The following STK31 variants were observed in gnomAD, a reference collection of about 807,000 sequenced individuals.
The protein encoded by STK31 is serine/threonine kinase 31, also known as serine/threonine-protein kinase 31.
In STK31, 89 loss-of-function variants were observed where a neutral mutation model predicts 129.7. The observed-to-expected ratio is 0.69, with a 90% CI of 0.58 to 0.82. The LOEUF is 0.82. Ranked by LOEUF, STK31 falls within the 40% of genes least tolerant of loss-of-function variation. STK31 has a pLI of 0.00. For synonymous variants in STK31, 448 were observed against 395.3 expected, an observed-to-expected ratio of 1.13 and a Z score of -1.58; for missense variants, 1,187 against 1,176.4, an observed-to-expected ratio of 1.01 and a Z score of -0.13.
intron 11 of STK31, among the ~76,000 whole-genome samples, chr7:23,767,065 G>T (rs1194717201): frequency 1.1e-4 from 17 of 151,968 alleles, no homozygotes; most frequent in Admixed American, 1.1e-3. Context: ...AATATCTTCA[G>T]TTGGTTATTT....
chr7:23,826,187 T>A (rs57182487), intron 23 of STK31, among the ~76,000 whole-genome samples: 6,734 of 152,254 alleles, frequency 0.044, 510 homozygotes, highest in African/African-American at 0.15. Context: ...TGCCTAATGT[T>A]GACAGTGGGG....
rs568110929 is a variant in STK31 at position 23,734,879 on chromosome 7, C to T, written c.484-659C>T. Among the ~76,000 whole-genome samples, 366 of 152,190 alleles carry T rather than the reference C, an allele frequency of 2.4e-3. 2 individuals are homozygous for T. Among genetic ancestry groups the T allele is most frequent in the African/African-American group, 8.4e-3 (348 of 41,524 alleles). ...ACTGGGGAGGCTGAGGCAGGAGAAT[C>T]GCTTGAACCGGGGAGGCAGAGGTTG... On this transcript the variant is annotated intron_variant, in intron 6 of 23. Coordinates refer to ENST00000355870, the MANE Select transcript of STK31 (RefSeq NM_031414.5).
chr7:23,787,772 A>G (rs1037925912), intron 20 of STK31, among the ~76,000 whole-genome samples: 1 of 150,904 alleles, frequency 6.6e-6, no homozygotes, highest in African/African-American at 2.5e-5. Flanking sequence ...ACACACACAC[A>G]CACACACACA....
intron 23 of STK31, among the ~76,000 whole-genome samples, chr7:23,822,100 T>C (rs1403262362): frequency 2.0e-5 from 3 of 152,194 alleles, no homozygotes; most frequent in Non-Finnish European, 4.4e-5. Context: ...TTTTTGCTGA[T>C]AACTGTTTTG....
chr7:23,824,862 G>T (rs555857589), intron 23 of STK31, among the ~76,000 whole-genome samples: 1 of 151,522 alleles, frequency 6.6e-6, no homozygotes, highest in East Asian at 1.9e-4. Flanking sequence ...TAATCATGTG[G>T]TTTTTGTCTT....
intron 22 of STK31, among the ~76,000 whole-genome samples, chr7:23,805,153 G>A (rs1792623913): frequency 6.6e-6 from 1 of 151,274 alleles, no homozygotes; most frequent in African/African-American, 2.4e-5. Flanking sequence ...TCGGCTCACT[G>A]CAACCTCTGC....
intron 4 of STK31, among the ~76,000 whole-genome samples, chr7:23,720,432 C>G (rs113381468): frequency 6.6e-6 from 1 of 152,164 alleles, no homozygotes; most frequent in African/African-American, 2.4e-5. Context: ...GGCCATCACT[C>G]ATGCTCTTTC....
At chr7:23,806,235 G>T (rs928612172) in intron 22 of STK31, among the ~76,000 whole-genome samples, 1 of 152,102 alleles carries the variant, frequency 6.6e-6, no homozygotes, top group Admixed American at 6.5e-5. Flanking sequence ...CCTATGTGCT[G>T]TTTTTTTAAG....
chr7:23,795,717 T>G (rs751190394), intron 22 of STK31, among the ~76,000 whole-genome samples: 3 of 152,236 alleles, frequency 2.0e-5, no homozygotes, highest in Non-Finnish European at 4.4e-5. Context: ...GAGCCCACTC[T>G]TGCATCAGTG....
intron 23 of STK31, among the ~76,000 whole-genome samples, chr7:23,818,651 A>T (rs79321386): frequency 6.7e-6 from 1 of 148,634 alleles, no homozygotes; most frequent in African/African-American, 2.6e-5. Context: ...CAACAAAAAA[A>T]TAAAGTCCGA....
At chr7:23,777,539 C>G (rs1003159557) in intron 15 of STK31, among the ~76,000 whole-genome samples, 2 of 152,200 alleles carry the variant, frequency 1.3e-5, no homozygotes, top group African/African-American at 2.4e-5. Flanking sequence ...ATATTTAAGA[C>G]AGTTAACTCT....
chr7:23,783,465 T>C (rs1283516241), intron 16 of STK31, 118 bp from the exon 17 acceptor site: 2 of 621,478 alleles, frequency 3.2e-6, no homozygotes, highest in Non-Finnish European at 5.2e-6. Flanking sequence ...AAATCAGTGA[T>C]TATGTATCTT....
chr7:23,719,125 G>T (rs1786526983), intron 4 of STK31, among the ~76,000 whole-genome samples: 1 of 151,752 alleles, frequency 6.6e-6, no homozygotes, highest in South Asian at 2.1e-4. Context: ...TGTCTTGATT[G>T]ATTTGTAGGC....
In STK31 at chr7:23,781,478, CAAT is replaced by C. The variant is rs1790921474; in HGVS notation, c.2029_2031del (p.Asn677del). On this transcript the variant is annotated inframe_deletion, in exon 16 of 24. Transcript: ENST00000355870. ...TAAAAGAAGAAATAACTCAGCTGCG[CAAT>C]AATGTCTTTCAGGAAATTTATCATG... 1 of 1,611,202 alleles carries C rather than the reference CAAT, an allele frequency of 6.2e-7. No individual in the cohort carries two copies. Among genetic ancestry groups the C allele is most frequent in the Admixed American group, 1.7e-5 (1 of 59,498 alleles).
chr7:23,711,453 A>G (rs1034803711), intron 1 of STK31, among the ~76,000 whole-genome samples: 1 of 151,676 alleles, frequency 6.6e-6, no homozygotes, highest in African/African-American at 2.4e-5. Flanking sequence ...CCCATAAAAA[A>G]TCTGTGTTTT....
chr7:23,809,286 T>G (rs754428976), intron 22 of STK31, among the ~76,000 whole-genome samples: 42 of 152,114 alleles, frequency 2.8e-4, no homozygotes, highest in Non-Finnish European at 3.1e-4. Flanking sequence ...CTTGGTGCTT[T>G]CTTTTGGTTC....
At chr7:23,781,752 AC>A (rs1174702639) in intron 16 of STK31, among the ~76,000 whole-genome samples, 4 of 152,340 alleles carry the variant, frequency 2.6e-5, no homozygotes, top group Admixed American at 2.6e-4. Flanking sequence ...AGAAGGAAAA[AC>A]ATCACTTGTA....
At chr7:23,791,751 C>A (rs1206532470) in intron 22 of STK31, among the ~76,000 whole-genome samples, 2 of 152,158 alleles carry the variant, frequency 1.3e-5, no homozygotes, top group African/African-American at 4.8e-5. Context: ...TAAAAATAAT[C>A]TCCTTGTTAG....
intron 12 of STK31, 85 bp from the exon 13 acceptor site, chr7:23,769,555 T>G: frequency 3.2e-6 from 3 of 945,374 alleles, no homozygotes; most frequent in Non-Finnish European, 5.0e-6. Flanking sequence ...AGGGTATAGC[T>G]TAATACTCTG....
Sources: allele counts gnomAD v4.1 joint callset (sites outside exome capture counted in the v4.1 genomes callset), GRCh38; gene constraint gnomAD v4.1.1; transcripts MANE v1.5; gene names NCBI Gene and HGNC (gene_info 2026-07-23, HGNC 2026-07-21).